Variants in ARHGAP6 observed in about 807,000 individuals in gnomAD.
ARHGAP6 encodes the protein Rho GTPase activating protein 6.
Under a neutral mutation model 55.7 loss-of-function variants are expected in ARHGAP6, and 16 were observed. The ratio of observed to expected loss-of-function variants is 0.29; its 90% CI spans 0.19 to 0.44. The LOEUF (loss-of-function observed/expected upper bound fraction) is 0.44. Among genes scored for constraint, ARHGAP6 ranks in the 20% least tolerant of loss-of-function variants. The pLI is 1.00. For synonymous variants in ARHGAP6, 382 were observed against 360.9 expected, an observed-to-expected ratio of 1.06 and a Z score of -0.66; for missense variants, 698 against 808.9, an observed-to-expected ratio of 0.86 and a Z score of 1.66.
At chrX:11,582,136 A>C (rs4830741) in intron 1 of ARHGAP6, among the ~76,000 whole-genome samples, 42,354 of 109,639 alleles carry the variant, frequency 0.39, 6,437 homozygotes, top group African/African-American at 0.55. Flanking sequence ...TTATTATCAC[A>C]TTTTTACAAA....
intron 1 of ARHGAP6, among the ~76,000 whole-genome samples, chrX:11,287,758 T>C (rs1569286588): frequency 8.9e-6 from 1 of 112,537 alleles, no homozygotes; most frequent in Non-Finnish European, 1.9e-5. Context: ...AGCCTCTATG[T>C]CTATCCAAAT....
At chrX:11,210,178 C>A (rs185796982) in intron 2 of ARHGAP6, among the ~76,000 whole-genome samples, 2 of 112,528 alleles carry the variant, frequency 1.8e-5, no homozygotes, top group African/African-American at 6.5e-5. Context: ...GGCCGATAAA[C>A]GGGTGGCTCT....
At chrX:11,377,456 T>C (rs1460730981) in intron 1 of ARHGAP6, among the ~76,000 whole-genome samples, 1 of 111,925 alleles carries the variant, frequency 8.9e-6, no homozygotes, top group Admixed American at 9.5e-5. Context: ...TTTGGAGTGA[T>C]GAAAATATTT....
chrX:11,564,616 A>C (rs773676514), intron 1 of ARHGAP6, among the ~76,000 whole-genome samples: 1 of 111,951 alleles, frequency 8.9e-6, no homozygotes, highest in South Asian at 3.7e-4. Flanking sequence ...TCACATCATG[A>C]TGAAAAGAAA....
intron 7 of ARHGAP6, among the ~76,000 whole-genome samples, chrX:11,178,483 TA>T (rs76166465): frequency 0.18 from 17,252 of 96,577 alleles, 1,242 homozygotes; most frequent in Middle Eastern, 0.28. Flanking sequence ...GTAATCCAGG[TA>T]AAAAAAAAAA....
chrX:11,418,264 G>C (rs1211210972), intron 1 of ARHGAP6, among the ~76,000 whole-genome samples: 1 of 112,163 alleles, frequency 8.9e-6, no homozygotes, highest in Admixed American at 9.5e-5. Flanking sequence ...CTGCAGTCCA[G>C]GTTGAAATGA....
chrX:11,413,497 C>T (rs1245691886), intron 1 of ARHGAP6, among the ~76,000 whole-genome samples: 1 of 112,288 alleles, frequency 8.9e-6, no homozygotes, highest in Non-Finnish European at 1.9e-5. Context: ...AGAGATGGCT[C>T]ACCCCCAGCT....
chrX:11,354,327 C>CTATATATATATATATATA (rs1174449401), intron 1 of ARHGAP6, among the ~76,000 whole-genome samples: 3 of 32,348 alleles, frequency 9.3e-5, no homozygotes, highest in African/African-American at 2.7e-4. Context: ...CTCTCTCTCT[C>CTATATATATATATATATA]TATATATATA....
At chrX:11,222,021 C>T (rs185182363) in intron 2 of ARHGAP6, among the ~76,000 whole-genome samples, 2 of 110,991 alleles carry the variant, frequency 1.8e-5, no homozygotes, top group East Asian at 5.6e-4. Context: ...ATTTTGTTTT[C>T]TTTAAAGTAT....
intron 5 of ARHGAP6, among the ~76,000 whole-genome samples, chrX:11,182,628 C>T (rs1248850734): frequency 5.1e-5 from 5 of 98,870 alleles, no homozygotes; most frequent in African/African-American, 1.5e-4. Flanking sequence ...CTTTTTTTTC[C>T]TTTTTTCTTT....
intron 2 of ARHGAP6, among the ~76,000 whole-genome samples, chrX:11,204,544 T>C (rs751913499): frequency 9.0e-6 from 1 of 111,721 alleles, no homozygotes; most frequent in East Asian, 2.8e-4. Context: ...TTGATGACCA[T>C]TGTGATGTTG....
chrX:11,190,958 G>C (rs1377864244), intron 3 of ARHGAP6, among the ~76,000 whole-genome samples: 1 of 112,536 alleles, frequency 8.9e-6, no homozygotes, highest in African/African-American at 3.2e-5. Context: ...TGAGATGTAG[G>C]TGTGACTTGG....
intron 12 of ARHGAP6, among the ~76,000 whole-genome samples, chrX:11,140,189 CTAAAAAAAAAAA>C (rs1045020008): frequency 7.6e-5 from 7 of 92,038 alleles, no homozygotes; most frequent in Non-Finnish European, 1.5e-4. Flanking sequence ...TAGGCCTGAA[CTAAAAAAAAAAA>C]TAAAAAAAAA....
chrX:11,353,658 A>T (rs899727076), intron 1 of ARHGAP6, among the ~76,000 whole-genome samples: 2 of 109,002 alleles, frequency 1.8e-5, no homozygotes, highest in African/African-American at 6.7e-5. Context: ...ATTTCTTGAG[A>T]GTTAAACAAA....
intron 10 of ARHGAP6, among the ~76,000 whole-genome samples, chrX:11,146,925 T>C (rs1415126184): frequency 1.8e-5 from 2 of 111,702 alleles, no homozygotes; most frequent in African/African-American, 6.5e-5. Context: ...GCAGCCAAAT[T>C]TGCCTAAGAA....
chrX:11,268,158 T>C (rs1476084828), intron 1 of ARHGAP6, among the ~76,000 whole-genome samples: 1 of 111,980 alleles, frequency 8.9e-6, no homozygotes, highest in East Asian at 2.8e-4. Flanking sequence ...TCACTGGTGA[T>C]ATTTTGCACA....
chrX:11,470,358 A>G (rs1394523927), intron 1 of ARHGAP6, among the ~76,000 whole-genome samples: 1 of 112,000 alleles, frequency 8.9e-6, no homozygotes, highest in Non-Finnish European at 1.9e-5. Context: ...GGTTAAAAAA[A>G]TATATTCACC....
At chrX:11,633,965 A>T (rs1169147438) in intron 1 of ARHGAP6, among the ~76,000 whole-genome samples, 1 of 111,698 alleles carries the variant, frequency 9.0e-6, no homozygotes, top group Non-Finnish European at 1.9e-5. Context: ...GGATCAAATA[A>T]GTTAATATTT....
intron 2 of ARHGAP6, among the ~76,000 whole-genome samples, chrX:11,210,728 C>T (rs1050601262): frequency 6.2e-5 from 7 of 112,081 alleles, no homozygotes; most frequent in African/African-American, 9.7e-5. Context: ...GCAGTTATTG[C>T]GGAGTTTATG....
Sources: allele counts gnomAD v4.1 joint callset (sites outside exome capture counted in the v4.1 genomes callset), GRCh38; gene constraint gnomAD v4.1.1; transcripts MANE v1.5; gene names NCBI Gene and HGNC (gene_info 2026-07-23, HGNC 2026-07-21).